Variants in FSTL4 observed in about 807,000 individuals in gnomAD.
FSTL4 encodes follistatin like 4, also known as follistatin-related protein 4.
FSTL4 carries 28 observed loss-of-function variants against 78.2 expected under a neutral mutation model. That is an observed-to-expected ratio of 0.36 (90% CI 0.27 to 0.49). The LOEUF (loss-of-function observed/expected upper bound fraction) is 0.49. FSTL4 is among the 20% of genes least tolerant of loss of function. FSTL4 has a pLI of 0.98. For missense variants in FSTL4, 922 were observed against 1,084.9 expected, an observed-to-expected ratio of 0.85 and a Z score of 2.11; for synonymous variants, 422 against 440.5, an observed-to-expected ratio of 0.96 and a Z score of 0.53.
chr5:133,290,015 G>C (rs928410172), intron 6 of FSTL4, among the ~76,000 whole-genome samples: 2 of 152,160 alleles, frequency 1.3e-5, no homozygotes. Flanking sequence ...CGTGCAAAGT[G>C]GGTGCTGATG....
upstream of FSTL4, among the ~76,000 whole-genome samples, chr5:133,616,310 A>AATCTATCTATCCATCT (rs1761196984): frequency 1.4e-5 from 2 of 147,162 alleles, no homozygotes; most frequent in African/African-American, 5.1e-5. Flanking sequence ...TGAAAATCTA[A>AATCTATCTATCCATCT]ATCTATCTAT....
chr5:133,302,185 G>A (rs1032723941), intron 6 of FSTL4, among the ~76,000 whole-genome samples: 5 of 152,108 alleles, frequency 3.3e-5, no homozygotes, highest in Non-Finnish European at 5.9e-5. Context: ...TCCTGTGTGA[G>A]CTAAATGAGA....
chr5:133,595,274 A>T (rs1474708774), intron 2 of FSTL4, among the ~76,000 whole-genome samples: 1 of 152,206 alleles, frequency 6.6e-6, no homozygotes, highest in African/African-American at 2.4e-5. Context: ...AGTTAAGAAG[A>T]TTTGAAACTG....
the FSTL4 span, among the ~76,000 whole-genome samples, chr5:133,708,096 G>C: frequency 6.7e-6 from 1 of 148,174 alleles, no homozygotes; most frequent in Non-Finnish European, 1.5e-5. Flanking sequence ...GGAGGGAAAG[G>C]GGGCAGGAAA....
the FSTL4 span, among the ~76,000 whole-genome samples, chr5:133,724,174 T>C: frequency 6.6e-6 from 1 of 152,178 alleles, no homozygotes; most frequent in Admixed American, 6.5e-5. Flanking sequence ...CATGTGGCCT[T>C]GGGAGAGCTC....
chr5:133,401,889 T>C (rs1756235975), intron 3 of FSTL4, among the ~76,000 whole-genome samples: 1 of 152,092 alleles, frequency 6.6e-6, no homozygotes. Context: ...GTGTGATTTC[T>C]GGGAGACTTG....
the FSTL4 span, among the ~76,000 whole-genome samples, chr5:133,747,735 T>C: frequency 6.6e-6 from 1 of 152,248 alleles, no homozygotes; most frequent in Non-Finnish European, 1.5e-5. Flanking sequence ...GAAACTTCTC[T>C]GTGTCCTTGG....
chr5:133,731,684 G>C, the FSTL4 span, among the ~76,000 whole-genome samples: 1 of 152,072 alleles, frequency 6.6e-6, no homozygotes, highest in African/African-American at 2.4e-5. Flanking sequence ...AAACAAAAAG[G>C]GAAAAAAGAT....
At chr5:133,462,004 A>C (rs1253571417) in intron 3 of FSTL4, among the ~76,000 whole-genome samples, 1 of 152,190 alleles carries the variant, frequency 6.6e-6, no homozygotes, top group Non-Finnish European at 1.5e-5. Flanking sequence ...CAGCCATGAT[A>C]TGAGAAGTAA....
At chr5:133,754,836 C>T in the FSTL4 span, among the ~76,000 whole-genome samples, 3 of 152,182 alleles carry the variant, frequency 2.0e-5, no homozygotes, top group African/African-American at 7.2e-5. Flanking sequence ...TTAAGACAGA[C>T]ATTCCTGGAC....
the FSTL4 span, among the ~76,000 whole-genome samples, chr5:133,672,366 A>C: frequency 6.6e-6 from 1 of 152,252 alleles, no homozygotes; most frequent in Non-Finnish European, 1.5e-5. Flanking sequence ...TGGGCATGAA[A>C]CATGATAGTG....
At chr5:133,800,695 C>A in the FSTL4 span, among the ~76,000 whole-genome samples, 1 of 113,144 alleles carries the variant, frequency 8.8e-6, no homozygotes, top group Non-Finnish European at 2.0e-5. Context: ...GAAATATAAG[C>A]CCGGAGCTAC....
chr5:133,720,117 T>C, the FSTL4 span, among the ~76,000 whole-genome samples: 2 of 152,118 alleles, frequency 1.3e-5, no homozygotes, highest in African/African-American at 4.8e-5. Flanking sequence ...ATCTGTTAGA[T>C]CAGAAACTTA....
At chr5:133,806,786 C>T in the FSTL4 span, among the ~76,000 whole-genome samples, 2 of 152,166 alleles carry the variant, frequency 1.3e-5, no homozygotes, top group Non-Finnish European at 2.9e-5. Context: ...TATGCTGCCC[C>T]ATAACTGCTT....
At chr5:133,480,581 C>T (rs770655643) in intron 3 of FSTL4, among the ~76,000 whole-genome samples, 1 of 151,938 alleles carries the variant, frequency 6.6e-6, no homozygotes, top group African/African-American at 2.4e-5. Context: ...AACGTGAAGC[C>T]GGTTCTACTT....
the FSTL4 span, among the ~76,000 whole-genome samples, chr5:133,839,068 G>A: frequency 6.6e-6 from 1 of 152,236 alleles, no homozygotes; most frequent in African/African-American, 2.4e-5. Context: ...TTCTGTCACT[G>A]AGAAAAGACT....
chr5:133,761,281 T>C, the FSTL4 span, among the ~76,000 whole-genome samples: 2 of 152,210 alleles, frequency 1.3e-5, no homozygotes, highest in South Asian at 2.1e-4. Flanking sequence ...GAAGCCTACA[T>C]TGAAATTTCA....
intron 6 of FSTL4, among the ~76,000 whole-genome samples, chr5:133,279,095 A>G (rs1022116070): frequency 2.0e-5 from 3 of 152,224 alleles, no homozygotes; most frequent in Admixed American, 1.3e-4. Flanking sequence ...GTCAGTTTCT[A>G]TAGAGAAGTT....
the FSTL4 span, among the ~76,000 whole-genome samples, chr5:133,642,463 T>C: frequency 2.6e-5 from 4 of 152,158 alleles, no homozygotes; most frequent in Non-Finnish European, 5.9e-5. Flanking sequence ...TTTGGTAAGC[T>C]TCTTTCTTTT....
Sources: allele counts gnomAD v4.1 joint callset (sites outside exome capture counted in the v4.1 genomes callset), GRCh38; gene constraint gnomAD v4.1.1; transcripts MANE v1.5; gene names NCBI Gene and HGNC (gene_info 2026-07-23, HGNC 2026-07-21).